DCLK1: variants seen among roughly 807,000 people sequenced by gnomAD.
DCLK1 encodes the protein serine/threonine-protein kinase DCLK1.
Under a neutral mutation model 86.2 loss-of-function variants are expected in DCLK1, and 16 were observed. The ratio of observed to expected loss-of-function variants is 0.19; its 90% CI spans 0.13 to 0.28. The LOEUF (loss-of-function observed/expected upper bound fraction) is 0.28. Among genes scored for constraint, DCLK1 ranks in the 10% least tolerant of loss-of-function variants. The probability of loss-of-function intolerance (pLI) is 1.00; values close to 1 mark genes in which losing one functional copy is unlikely to be tolerated. For missense variants in DCLK1, 590 were observed against 940.2 expected, an observed-to-expected ratio of 0.63 and a Z score of 4.87; for synonymous variants, 369 against 370.5, an observed-to-expected ratio of 1.00 and a Z score of 0.05.
chr13:35,859,091 T>C (rs992997297), intron 5 of DCLK1, among the ~76,000 whole-genome samples: 1 of 152,272 alleles, frequency 6.6e-6, no homozygotes, highest in Non-Finnish European at 1.5e-5. Context: ...TTGTGACTTA[T>C]TTAATAGAAC....
At chr13:35,836,166 T>TA (rs759527800) in intron 7 of DCLK1, 25 bp from the exon 8 acceptor site, 56 of 1,577,104 alleles carry the variant, frequency 3.6e-5, no homozygotes, top group Non-Finnish European at 4.9e-5. Flanking sequence ...AATACTTTTT[T>TA]ATTGGTTGAA....
intron 3 of DCLK1, among the ~76,000 whole-genome samples, chr13:35,995,648 A>G (rs982440568): frequency 1.1e-4 from 16 of 152,256 alleles, no homozygotes; most frequent in African/African-American, 3.9e-4. Flanking sequence ...CCAACTCATT[A>G]GAATACACTG....
At chr13:35,999,378 G>C (rs1236734046) in intron 3 of DCLK1, among the ~76,000 whole-genome samples, 1 of 152,154 alleles carries the variant, frequency 6.6e-6, no homozygotes, top group African/African-American at 2.4e-5. Flanking sequence ...GCTGGGGTGA[G>C]CTGAATGGAA....
intron 4 of DCLK1, among the ~76,000 whole-genome samples, chr13:35,901,180 G>A (rs1050787043): frequency 2.6e-5 from 4 of 152,180 alleles, no homozygotes; most frequent in African/African-American, 9.6e-5. Context: ...AAACAGAGGA[G>A]ACATAAGTAG....
At chr13:36,079,255 C>T (rs984257064) in intron 3 of DCLK1, among the ~76,000 whole-genome samples, 1 of 152,040 alleles carries the variant, frequency 6.6e-6, no homozygotes, top group African/African-American at 2.4e-5. Flanking sequence ...CAAGGGATAA[C>T]AAAGATGAAA....
intron 3 of DCLK1, among the ~76,000 whole-genome samples, chr13:35,995,845 A>T (rs1463727892): frequency 6.6e-6 from 1 of 152,256 alleles, no homozygotes; most frequent in Non-Finnish European, 1.5e-5. Context: ...TACAAACATA[A>T]GCAATAAGAT....
At chr13:35,867,957 GAAAGAA>G (rs1566577035) in intron 5 of DCLK1, among the ~76,000 whole-genome samples, 44 of 144,616 alleles carry the variant, frequency 3.0e-4, no homozygotes, top group East Asian at 6.2e-4. Context: ...AAGAAAGAAA[GAAAGAA>G]AGAGAAAAAG....
At chr13:36,120,595 T>G (rs930754578) in intron 2 of DCLK1, among the ~76,000 whole-genome samples, 1 of 152,120 alleles carries the variant, frequency 6.6e-6, no homozygotes, top group Non-Finnish European at 1.5e-5. Flanking sequence ...TCCACACTAT[T>G]AAATGACACA....
rs543878568 is a variant in DCLK1, at chr13:36,019,011, A to T, written c.724-71554T>A. ...TTGCTTGTTTCAGGATCTCAAATTTATCTTGAGGTATGTGTGGTAACTTTG... is the reference window on the plus strand; with the variant it reads ...TTGCTTGTTTCAGGATCTCAAATTTTTCTTGAGGTATGTGTGGTAACTTTG... On this transcript the variant is annotated intron_variant, in intron 3 of 16. Coordinates refer to ENST00000360631, the MANE Select transcript of DCLK1 (RefSeq NM_001330071.2). Among the ~76,000 whole-genome samples, 9 of 152,290 alleles carry T rather than the reference A, an allele frequency of 5.9e-5. No individual in the cohort carries two copies. The South Asian group carries it at 1.9e-3, about 32-fold the overall frequency.
At chr13:36,096,505 T>C (rs1566009836) in intron 3 of DCLK1, among the ~76,000 whole-genome samples, 1 of 152,196 alleles carries the variant, frequency 6.6e-6, no homozygotes, top group Non-Finnish European at 1.5e-5. Flanking sequence ...TAAGTCTCTT[T>C]CCTTGAGAAG....
intron 5 of DCLK1, among the ~76,000 whole-genome samples, chr13:35,867,547 T>C (rs1871882768): frequency 6.6e-6 from 1 of 152,136 alleles, no homozygotes. Flanking sequence ...GAGCAACCTG[T>C]TGATTTTGAG....
At chr13:36,127,028 C>T (rs1886211378) in intron 1 of DCLK1, among the ~76,000 whole-genome samples, 1 of 152,156 alleles carries the variant, frequency 6.6e-6, no homozygotes, top group Non-Finnish European at 1.5e-5. Context: ...AAAATAAGCT[C>T]TCATATCATC....
intron 5 of DCLK1, among the ~76,000 whole-genome samples, chr13:35,861,646 G>A (rs775167766): frequency 2.6e-5 from 4 of 152,084 alleles, no homozygotes; most frequent in Non-Finnish European, 5.9e-5. Flanking sequence ...TTTCTGCCCC[G>A]TCCTTCATCT....
chr13:35,898,311 G>A (rs1476433646), intron 4 of DCLK1, among the ~76,000 whole-genome samples: 1 of 152,204 alleles, frequency 6.6e-6, no homozygotes. Context: ...CAGTCTTCCC[G>A]GAAAAGCTAC....
At chr13:35,963,930 T>C (rs530760061) in intron 3 of DCLK1, among the ~76,000 whole-genome samples, 2 of 152,306 alleles carry the variant, frequency 1.3e-5, no homozygotes, top group Admixed American at 1.3e-4. Context: ...GAGTATGTCT[T>C]TACAGCAGTG....
intron 3 of DCLK1, among the ~76,000 whole-genome samples, chr13:35,988,037 G>A (rs1262035493): frequency 6.6e-6 from 1 of 152,126 alleles, no homozygotes; most frequent in Non-Finnish European, 1.5e-5. Flanking sequence ...ATCTACTTCT[G>A]AGCCCCACTT....
At chr13:36,123,169 A>C (rs1461236183) in intron 2 of DCLK1, among the ~76,000 whole-genome samples, 2 of 152,260 alleles carry the variant, frequency 1.3e-5, no homozygotes, top group African/African-American at 4.8e-5. Context: ...TGACGTTTAC[A>C]TAAAATTAGT....
At chr13:35,997,157 T>G (rs1880512084) in intron 3 of DCLK1, among the ~76,000 whole-genome samples, 1 of 152,226 alleles carries the variant, frequency 6.6e-6, no homozygotes, top group Admixed American at 6.5e-5. Flanking sequence ...ATCAGCCTCA[T>G]CCATACACAA....
At chr13:36,131,414 G>T, upstream of DCLK1, 1 of 192,930 alleles carries the variant, frequency 5.2e-6, no homozygotes. Context: ...CCCTTTTCTT[G>T]TCTCACTCGC....
Sources: gnomAD v4.1 joint callset for allele counts (sites outside exome capture counted in the v4.1 genomes callset) on GRCh38, gnomAD v4.1.1 for gene constraint, MANE v1.5 for transcripts, NCBI Gene and HGNC (gene_info 2026-07-23, HGNC 2026-07-21) for gene names.